The following FBXL17 variants were observed in gnomAD, a reference collection of about 807,000 sequenced individuals.
FBXL17 encodes F-box and leucine rich repeat protein 17.
In FBXL17, 22 loss-of-function variants were observed where a neutral mutation model predicts 66.2. That is an observed-to-expected ratio of 0.33 (90% CI 0.24 to 0.47). FBXL17 has a LOEUF of 0.47. Among genes scored for constraint, FBXL17 ranks in the 20% least tolerant of loss-of-function variants. FBXL17 has a pLI of 1.00. For missense variants in FBXL17, 878 were observed against 948.2 expected (o/e 0.93, Z 0.97); for synonymous variants, 474 against 400.5 (o/e 1.18, Z -2.19).
intron 4 of FBXL17, among the ~76,000 whole-genome samples, chr5:108,338,542 C>T (rs1746664487): frequency 6.6e-6 from 1 of 152,048 alleles, no homozygotes; most frequent in African/African-American, 2.4e-5. Flanking sequence ...AGTACTTCTA[C>T]CATCATACTT....
At chr5:108,083,254 G>C (rs431432) in intron 6 of FBXL17, among the ~76,000 whole-genome samples, 34,507 of 107,596 alleles carry the variant, frequency 0.32, 4,146 homozygotes, top group South Asian at 0.56. Context: ...CACACACAGA[G>C]AGAGAGATAG....
intron 5 of FBXL17, among the ~76,000 whole-genome samples, chr5:108,209,634 C>T (rs1754280508): frequency 6.6e-6 from 1 of 152,170 alleles, no homozygotes; most frequent in African/African-American, 2.4e-5. Context: ...TTATGTTGAA[C>T]CAGGCTTGCA....
intron 7 of FBXL17, among the ~76,000 whole-genome samples, chr5:107,998,136 T>C (rs1244885017): frequency 6.6e-6 from 1 of 152,214 alleles, no homozygotes; most frequent in Non-Finnish European, 1.5e-5. Flanking sequence ...TTTTAATTGA[T>C]TACATGCTGG....
chr5:108,203,982 G>C (rs1415920030), intron 5 of FBXL17, among the ~76,000 whole-genome samples: 2 of 152,006 alleles, frequency 1.3e-5, no homozygotes, highest in Admixed American at 6.6e-5. Flanking sequence ...CTTTAAATGT[G>C]ATTATGATAC....
intron 4 of FBXL17, 60 bp downstream of exon 4, chr5:108,348,337 CTT>C: frequency 7.1e-7 from 1 of 1,417,792 alleles, no homozygotes; most frequent in Non-Finnish European, 9.5e-7. Context: ...TATAAATAAA[CTT>C]GAAAGAATTC....
At chr5:107,953,102 A>T (rs1338492465) in intron 7 of FBXL17, among the ~76,000 whole-genome samples, 4 of 3,408 alleles carry the variant, frequency 1.2e-3, no homozygotes, top group African/African-American at 3.2e-3. Context: ...TCATACTTTA[A>T]AAAAAAAAGG....
At chr5:107,999,488 A>AC in intron 7 of FBXL17, among the ~76,000 whole-genome samples, 1 of 144,676 alleles carries the variant, frequency 6.9e-6, no homozygotes, top group East Asian at 2.1e-4. Flanking sequence ...CACACACCAC[A>AC]CACACACATA....
intron 8 of FBXL17, among the ~76,000 whole-genome samples, chr5:107,872,092 T>C (rs991173932): frequency 2.0e-5 from 3 of 152,252 alleles, no homozygotes; most frequent in African/African-American, 7.2e-5. Context: ...GACAAATTTA[T>C]GATCAGCAAA....
At chr5:108,066,711 T>TAA (rs1748129092) in intron 6 of FBXL17, among the ~76,000 whole-genome samples, 11 of 152,124 alleles carry the variant, frequency 7.2e-5, no homozygotes, top group African/African-American at 2.6e-4. Flanking sequence ...TTATCTTTTC[T>TAA]ATAAACTTAC....
intron 7 of FBXL17, among the ~76,000 whole-genome samples, chr5:107,942,622 T>C (rs1751145492): frequency 6.6e-6 from 1 of 152,110 alleles, no homozygotes; most frequent in African/African-American, 2.4e-5. Flanking sequence ...CTTCCCCTTA[T>C]ATGCAGCCAA....
intron 7 of FBXL17, among the ~76,000 whole-genome samples, chr5:107,882,471 G>A (rs923910113): frequency 1.3e-5 from 2 of 151,982 alleles, no homozygotes; most frequent in Non-Finnish European, 2.9e-5. Context: ...GTTTTCCAGT[G>A]AAAATACAAT....
chr5:108,295,535 A>G (rs1580764073), intron 4 of FBXL17, among the ~76,000 whole-genome samples: 1 of 152,102 alleles, frequency 6.6e-6, no homozygotes, highest in East Asian at 1.9e-4. Flanking sequence ...ACTTTTTACT[A>G]TATTATTATA....
chr5:108,154,624 C>CAT (rs1472652737), intron 6 of FBXL17, among the ~76,000 whole-genome samples: 14 of 93,642 alleles, frequency 1.5e-4, no homozygotes, highest in Non-Finnish European at 2.2e-4. Flanking sequence ...TATACACACA[C>CAT]ACACACACAC....
At chr5:107,943,264 T>G (rs1405029241) in intron 7 of FBXL17, among the ~76,000 whole-genome samples, 2 of 152,132 alleles carry the variant, frequency 1.3e-5, no homozygotes, top group African/African-American at 2.4e-5. Flanking sequence ...CCATTCAGTA[T>G]GCCAAAACTG....
intron 7 of FBXL17, among the ~76,000 whole-genome samples, chr5:107,930,723 A>T (rs986029555): frequency 5.3e-5 from 8 of 152,220 alleles, no homozygotes; most frequent in African/African-American, 1.7e-4. Context: ...AAGTTCTTTT[A>T]TATTTCATTT....
chr5:108,085,907 CAGTT>C (rs1419692000), intron 6 of FBXL17, among the ~76,000 whole-genome samples: 8 of 152,130 alleles, frequency 5.3e-5, no homozygotes, highest in African/African-American at 1.7e-4. Flanking sequence ...CTGGGTGACA[CAGTT>C]AGATGCTGTC....
intron 8 of FBXL17, among the ~76,000 whole-genome samples, chr5:107,874,373 T>C (rs1748550004): frequency 6.6e-6 from 1 of 152,186 alleles, no homozygotes; most frequent in Non-Finnish European, 1.5e-5. Flanking sequence ...ATAATGCTAA[T>C]AGTAGTTAAC....
intron 7 of FBXL17, among the ~76,000 whole-genome samples, chr5:107,947,287 C>T (rs935738069): frequency 6.6e-6 from 1 of 152,234 alleles, no homozygotes; most frequent in East Asian, 1.9e-4. Context: ...ATGTCTCATG[C>T]CTCTTCCTTC....
chr5:108,303,164 C>T (rs1758669998), intron 4 of FBXL17, among the ~76,000 whole-genome samples: 2 of 151,758 alleles, frequency 1.3e-5, no homozygotes, highest in African/African-American at 4.8e-5. Flanking sequence ...AAATATAGTG[C>T]CTCTACTAAC....
Sources: gnomAD v4.1 joint callset for allele counts (sites outside exome capture counted in the v4.1 genomes callset) on GRCh38, gnomAD v4.1.1 for gene constraint, MANE v1.5 for transcripts, NCBI Gene and HGNC (gene_info 2026-07-23, HGNC 2026-07-21) for gene names.